ICA1: variants seen among roughly 807,000 people sequenced by gnomAD.
ICA1 encodes the protein islet cell autoantigen 1, also known as 69 kDa islet cell autoantigen.
A neutral mutation model predicts 71.0 loss-of-function variants in ICA1; 40 were observed. That is an observed-to-expected ratio of 0.56 (90% CI 0.44 to 0.73). The LOEUF is 0.73. ICA1 is among the 30% of genes least tolerant of loss of function. The pLI, the probability that ICA1 is intolerant of heterozygous loss-of-function variation, is 0.00. For missense variants in ICA1, 578 were observed against 576.5 expected (o/e 1.00, Z -0.03); for synonymous variants, 207 against 209.5 (o/e 0.99, Z 0.10).
At chr7:8,246,125 A>G (rs1262961355) in intron 1 of ICA1, among the ~76,000 whole-genome samples, 2 of 152,186 alleles carry the variant, frequency 1.3e-5, no homozygotes, top group African/African-American at 2.4e-5. Flanking sequence ...AAGATGTCCT[A>G]AAGATCTGCT....
chr7:8,249,209 C>T (rs771739886), intron 1 of ICA1, among the ~76,000 whole-genome samples: 1 of 152,238 alleles, frequency 6.6e-6, no homozygotes, highest in African/African-American at 2.4e-5. Flanking sequence ...ACAATGCTGG[C>T]TTCCCACACA....
chr7:8,146,726 C>T (rs28650416), intron 8 of ICA1, among the ~76,000 whole-genome samples: 104,763 of 141,562 alleles, frequency 0.74, 37,198 homozygotes, highest in East Asian at 0.94. Flanking sequence ...CACGTGTGTG[C>T]GTGTGTGTGC....
chr7:8,152,718 T>TCCACCACCA (rs1799600206), intron 8 of ICA1, among the ~76,000 whole-genome samples: 1 of 30,384 alleles, frequency 3.3e-5, no homozygotes, highest in Non-Finnish European at 8.4e-5. Flanking sequence ...CATCACCTCC[T>TCCACCACCA]CCACCATCAC....
intron 6 of ICA1, among the ~76,000 whole-genome samples, chr7:8,175,510 TTAAGA>T (rs1042172420): frequency 6.1e-5 from 9 of 148,392 alleles, no homozygotes; most frequent in Non-Finnish European, 8.9e-5. Flanking sequence ...TGAAAACTGT[TTAAGA>T]TAAGGGTTTT....
At chr7:8,220,584 A>G (rs2128420642) in intron 5 of ICA1, among the ~76,000 whole-genome samples, 1 of 152,328 alleles carries the variant, frequency 6.6e-6, no homozygotes, top group African/African-American at 2.4e-5. Flanking sequence ...TCTCAGGCGC[A>G]GAGAGTGACT....
intron 6 of ICA1, among the ~76,000 whole-genome samples, chr7:8,210,135 G>T (rs1227823889): frequency 6.6e-6 from 1 of 152,204 alleles, no homozygotes; most frequent in Non-Finnish European, 1.5e-5. Flanking sequence ...GTGGAAAGGG[G>T]TGCCAATTAT....
chr7:8,248,765 G>C lies in ICA1; in HGVS notation c.-79-12760C>G, dbSNP rs138029079. 1.7e-3 allele frequency among the ~76,000 whole-genome samples: 253 copies of C among 152,262 alleles called. 1 individual carries two copies. Among genetic ancestry groups the C allele is most frequent in the African/African-American group, 5.7e-3 (237 of 41,538 alleles). ...GAAAATACACACACTTTTCAGAACA[G>C]AACAGAGTCTGGCAATGATGTGGGT... On this transcript the variant is annotated intron_variant, in intron 1 of 13. Coordinates refer to ENST00000402384, the MANE Select transcript of ICA1 (RefSeq NM_001136020.3).
At chr7:8,115,530 C>T (rs1468627728) in intron 13 of ICA1, among the ~76,000 whole-genome samples, 1 of 152,234 alleles carries the variant, frequency 6.6e-6, no homozygotes, top group Non-Finnish European at 1.5e-5. Flanking sequence ...TCTGAGCGTT[C>T]TCATGGCCTT....
chr7:8,239,770 C>T (rs1252506436), intron 1 of ICA1, among the ~76,000 whole-genome samples: 4 of 152,368 alleles, frequency 2.6e-5, no homozygotes, highest in African/African-American at 9.6e-5. Flanking sequence ...CGGCAGGTCC[C>T]ATGCCCATGA....
At chr7:8,124,983 T>C (rs1173915983) in intron 13 of ICA1, among the ~76,000 whole-genome samples, 1 of 152,030 alleles carries the variant, frequency 6.6e-6, no homozygotes, top group African/African-American at 2.4e-5. Flanking sequence ...GAGACAGAGT[T>C]TCACCATGTT....
intron 6 of ICA1, among the ~76,000 whole-genome samples, chr7:8,218,002 T>C (rs2128411681): frequency 6.6e-6 from 1 of 152,364 alleles, no homozygotes; most frequent in South Asian, 2.1e-4. Context: ...TCTTGATTTT[T>C]AGTTATGCAT....
intron 3 of ICA1, among the ~76,000 whole-genome samples, chr7:8,231,691 G>C (rs188607610): frequency 2.6e-5 from 4 of 152,072 alleles, no homozygotes; most frequent in Non-Finnish European, 4.4e-5. Flanking sequence ...AGTTCTCACG[G>C]GGCAGCCTTA....
At chr7:8,152,465 A>G (rs1799150496) in intron 8 of ICA1, among the ~76,000 whole-genome samples, 1 of 151,528 alleles carries the variant, frequency 6.6e-6, no homozygotes, top group Non-Finnish European at 1.5e-5. Flanking sequence ...TGCCACCACC[A>G]TCGCAACAAC....
intron 6 of ICA1, among the ~76,000 whole-genome samples, chr7:8,162,641 G>C (rs1804308219): frequency 6.6e-6 from 1 of 152,066 alleles, no homozygotes. Flanking sequence ...AATATCTTGA[G>C]GAGCTCCTGT....
chr7:8,183,972 TTAC>T (rs3837122), intron 6 of ICA1, among the ~76,000 whole-genome samples: 2,033 of 152,316 alleles, frequency 0.013, 35 homozygotes, highest in East Asian at 0.075. Flanking sequence ...AGACTAGCAT[TTAC>T]TACATAAATT....
chr7:8,193,879 C>A (rs555411705), intron 6 of ICA1, among the ~76,000 whole-genome samples: 1 of 152,230 alleles, frequency 6.6e-6, no homozygotes, highest in Non-Finnish European at 1.5e-5. Context: ...CAGAGATATT[C>A]TAAGAAGGTC....
At chr7:8,127,818 A>C in intron 13 of ICA1, 55 bp downstream of exon 13, 1 of 1,518,158 alleles carries the variant, frequency 6.6e-7, no homozygotes, top group South Asian at 1.3e-5. Flanking sequence ...TTTTGGATTG[A>C]AAACAAAAAG....
At chr7:8,186,973 G>A (rs1442769244) in intron 6 of ICA1, among the ~76,000 whole-genome samples, 2 of 152,176 alleles carry the variant, frequency 1.3e-5, no homozygotes, top group Admixed American at 1.3e-4. Context: ...CAACAAGAAT[G>A]TTTATGTTGT....
intron 6 of ICA1, among the ~76,000 whole-genome samples, chr7:8,195,016 T>C (rs1265536508): frequency 6.6e-6 from 1 of 152,174 alleles, no homozygotes; most frequent in Non-Finnish European, 1.5e-5. Context: ...AAAGAAACTT[T>C]AAAATTCAAC....
Sources: allele counts gnomAD v4.1 joint callset (sites outside exome capture counted in the v4.1 genomes callset), GRCh38; gene constraint gnomAD v4.1.1; transcripts MANE v1.5; gene names NCBI Gene and HGNC (gene_info 2026-07-23, HGNC 2026-07-21).